The following CDKN3 variants were observed in gnomAD, a reference collection of about 807,000 sequenced individuals.
CDKN3 encodes cyclin-dependent kinase inhibitor 3.
In CDKN3, 19 loss-of-function variants were observed where a neutral mutation model predicts 36.1. That is an observed-to-expected ratio of 0.53 (90% confidence interval 0.37 to 0.77). CDKN3 has a LOEUF of 0.77. Among genes scored for constraint, CDKN3 ranks in the 30% least tolerant of loss-of-function variants. The pLI is 0.00. For missense variants in CDKN3, 188 were observed against 248.6 expected (o/e 0.76, Z 1.64); for synonymous variants, 71 against 85.3 (o/e 0.83, Z 0.92).
chr14:54,402,956 T>C (rs1357806166), intron 3 of CDKN3, among the ~76,000 whole-genome samples: 1 of 152,230 alleles, frequency 6.6e-6, no homozygotes, highest in Non-Finnish European at 1.5e-5. Context: ...ACTATAGCCT[T>C]GTAGTATAGT....
chr14:54,408,124 A>G (rs1174632336), intron 3 of CDKN3, among the ~76,000 whole-genome samples: 1 of 152,190 alleles, frequency 6.6e-6, no homozygotes, highest in Non-Finnish European at 1.5e-5. Flanking sequence ...CTCTGGGTAT[A>G]TACCTAGTTG....
chr14:54,418,571 G>A (rs1382284222), intron 7 of CDKN3, among the ~76,000 whole-genome samples: 2 of 152,000 alleles, frequency 1.3e-5, no homozygotes, highest in Non-Finnish European at 2.9e-5. Context: ...TTGTAGATCT[G>A]TAAAGCTAAT....
chr14:54,398,512 G>A (rs1886383325), intron 1 of CDKN3, among the ~76,000 whole-genome samples: 1 of 152,226 alleles, frequency 6.6e-6, no homozygotes, highest in Non-Finnish European at 1.5e-5. Context: ...GTCTAATTCT[G>A]GGGTGAACAA....
chr14:54,404,352 T>A (rs2030070708), intron 3 of CDKN3, among the ~76,000 whole-genome samples: 1 of 152,190 alleles, frequency 6.6e-6, no homozygotes, highest in Non-Finnish European at 1.5e-5. Flanking sequence ...GTGTTTATAG[T>A]ATTCTCTGAT....
chr14:54,407,915 C>A (rs1332527676), intron 3 of CDKN3, among the ~76,000 whole-genome samples: 1 of 152,176 alleles, frequency 6.6e-6, no homozygotes, highest in Admixed American at 6.5e-5. Flanking sequence ...AATCACCCGT[C>A]TTCTTTCTGC....
chr14:54,408,873 GTTT>G (rs4251625), intron 4 of CDKN3, 84 bp downstream of exon 4: 1 of 1,417,226 alleles, frequency 7.1e-7, no homozygotes, highest in Non-Finnish European at 9.3e-7. Flanking sequence ...GAACAAATCA[GTTT>G]TTTTTTAATA....
At position 54,399,880 on chromosome 14, in the gene CDKN3, C is replaced by T. The variant is rs772588066; in HGVS notation, c.10-14C>T. ...AATTCTTTACAGTTATTTAACATAA[C>T]ATTTCTTTTGAAGCCCAGTTCAATA... On this transcript the variant is annotated splice_polypyrimidine_tract_variant and intron_variant, in intron 1 of 7. Coordinates refer to ENST00000335183, the MANE Select transcript of CDKN3 (RefSeq NM_005192.4). 4.9e-6 allele frequency: 7 copies of T among 1,441,214 alleles called. No individual in the cohort carries two copies. Among genetic ancestry groups the T allele is most frequent in the South Asian group, 1.2e-5 (1 of 86,946 alleles). The allele number at this position is 1,441,214 out of a possible 1,614,324, so 89.3% of individuals were successfully genotyped here.
At chr14:54,399,120 G>C (rs1159013593) in intron 1 of CDKN3, among the ~76,000 whole-genome samples, 1 of 151,106 alleles carries the variant, frequency 6.6e-6, no homozygotes, top group Non-Finnish European at 1.5e-5. Context: ...CGAGTAGCTG[G>C]GATTACAGGC....
chr14:54,399,596 A>G (rs1308247749), intron 1 of CDKN3, among the ~76,000 whole-genome samples: 1 of 152,184 alleles, frequency 6.6e-6, no homozygotes, highest in African/African-American at 2.4e-5. Context: ...GAAAATCGAG[A>G]TCCAGAACCA....
At chr14:54,417,793 G>A (rs4251662) in intron 6 of CDKN3, 55 bp from the exon 7 acceptor site, 55 of 951,834 alleles carry the variant, frequency 5.8e-5, no homozygotes, top group Admixed American at 4.6e-4. Context: ...ATAAAATGCT[G>A]TACCCTGTCA....
At chr14:54,398,226 C>A (rs2139962405) in intron 1 of CDKN3, among the ~76,000 whole-genome samples, 1 of 152,368 alleles carries the variant, frequency 6.6e-6, no homozygotes. Flanking sequence ...AGCTTCAGAG[C>A]TAGAAAGAGC....
chr14:54,411,968 A>T (rs1295002531), intron 5 of CDKN3, among the ~76,000 whole-genome samples: 1 of 152,092 alleles, frequency 6.6e-6, no homozygotes, highest in Non-Finnish European at 1.5e-5. Context: ...TTTCTTTTTT[A>T]TTTCTTTCCT....
At chr14:54,413,267 T>C (rs940075533) in intron 5 of CDKN3, among the ~76,000 whole-genome samples, 4 of 152,122 alleles carry the variant, frequency 2.6e-5, no homozygotes, top group Admixed American at 6.5e-5. Flanking sequence ...TTCTGATACA[T>C]ATAGGTAAAA....
chr14:54,417,592 A>G (rs1253873123), intron 6 of CDKN3, among the ~76,000 whole-genome samples: 1 of 152,240 alleles, frequency 6.6e-6, no homozygotes, highest in Non-Finnish European at 1.5e-5. Context: ...ATCTGTAAAT[A>G]TACTAAATCA....
intron 4 of CDKN3, among the ~76,000 whole-genome samples, chr14:54,410,220 G>A (rs1046266494): frequency 6.6e-6 from 1 of 152,072 alleles, no homozygotes; most frequent in Admixed American, 6.5e-5. Flanking sequence ...TTTGATTGGA[G>A]ACCTAGAATC....
At chr14:54,402,601 G>A (rs1566704399) in intron 3 of CDKN3, among the ~76,000 whole-genome samples, 1 of 152,138 alleles carries the variant, frequency 6.6e-6, no homozygotes, top group Non-Finnish European at 1.5e-5. Context: ...CGCCTTTGGT[G>A]TTTTAGTCAT....
chr14:54,418,351 A>C (rs1021708116), intron 7 of CDKN3: 88 of 680,194 alleles, frequency 1.3e-4, no homozygotes, highest in Non-Finnish European at 2.3e-4. Context: ...TCTATGGAAG[A>C]TCTTGTTATA....
intron 3 of CDKN3, among the ~76,000 whole-genome samples, chr14:54,403,492 C>T (rs2030036172): frequency 6.6e-6 from 1 of 152,202 alleles, no homozygotes; most frequent in African/African-American, 2.4e-5. Flanking sequence ...TAAAAAGAGA[C>T]AATTTGACTT....
intron 5 of CDKN3, among the ~76,000 whole-genome samples, chr14:54,414,895 T>A (rs2030487786): frequency 6.6e-6 from 1 of 152,092 alleles, no homozygotes; most frequent in African/African-American, 2.4e-5. Context: ...GTTCTATGTC[T>A]GGAACACTTT....
Sources: gnomAD v4.1 joint callset for allele counts (sites outside exome capture counted in the v4.1 genomes callset) on GRCh38, gnomAD v4.1.1 for gene constraint, MANE v1.5 for transcripts, NCBI Gene and HGNC (gene_info 2026-07-23, HGNC 2026-07-21) for gene names.